GPHN: variants seen among roughly 807,000 people sequenced by gnomAD.
GPHN encodes gephyrin.
A neutral mutation model predicts 95.5 loss-of-function variants in GPHN; 17 were observed. The ratio of observed to expected loss-of-function variants is 0.18; its 90% CI spans 0.12 to 0.27. The LOEUF is 0.27. Ranked by LOEUF, GPHN falls within the 10% of genes least tolerant of loss-of-function variation. The probability of loss-of-function intolerance (pLI) is 1.00; values close to 1 mark genes in which losing one functional copy is unlikely to be tolerated. For missense variants in GPHN, 660 were observed against 978.1 expected (o/e 0.67, Z 4.34); for synonymous variants, 320 against 322.5 (o/e 0.99, Z 0.08).
At chr14:66,979,222 C>T (rs772098219) in intron 9 of GPHN, among the ~76,000 whole-genome samples, 1 of 152,156 alleles carries the variant, frequency 6.6e-6, no homozygotes, top group Non-Finnish European at 1.5e-5. Flanking sequence ...GATAGTCATC[C>T]AGTCCTTTTA....
At chr14:67,729,387 G>A in the GPHN span, 1 of 1,597,148 alleles carries the variant, frequency 6.3e-7, no homozygotes, top group Non-Finnish European at 8.5e-7. Context: ...TCAGGTGTGT[G>A]AAGGCAATGC....
At chr14:66,719,690 A>G (rs1053926730) in intron 2 of GPHN, among the ~76,000 whole-genome samples, 3 of 152,170 alleles carry the variant, frequency 2.0e-5, no homozygotes, top group Non-Finnish European at 4.4e-5. Flanking sequence ...TGCTGCACAA[A>G]TTTGTGAAAA....
the GPHN span, among the ~76,000 whole-genome samples, chr14:67,672,718 C>T: frequency 1.3e-5 from 2 of 152,178 alleles, no homozygotes; most frequent in Non-Finnish European, 2.9e-5. Flanking sequence ...GCTGGAATTA[C>T]AGGTGTGAGC....
chr14:67,089,528 G>A (rs1220737587), intron 12 of GPHN, among the ~76,000 whole-genome samples: 4 of 152,016 alleles, frequency 2.6e-5, no homozygotes, highest in Non-Finnish European at 5.9e-5. Context: ...TTAAAACACT[G>A]TACTTCAATT....
intron 1 of GPHN, among the ~76,000 whole-genome samples, chr14:66,520,572 A>G (rs890987931): frequency 6.6e-6 from 1 of 152,030 alleles, no homozygotes; most frequent in Non-Finnish European, 1.5e-5. Context: ...CTGTTTTCTG[A>G]GTATGTTGCA....
intron 2 of GPHN, among the ~76,000 whole-genome samples, chr14:66,687,929 A>G (rs1370675905): frequency 2.0e-5 from 3 of 152,104 alleles, no homozygotes; most frequent in Non-Finnish European, 4.4e-5. Context: ...GGTACAGTTG[A>G]TCCTTGAACA....
At chr14:67,692,789 A>T in the GPHN span, 3 of 865,516 alleles carry the variant, frequency 3.5e-6, no homozygotes, top group South Asian at 3.3e-5. Flanking sequence ...TGTAGAGCAT[A>T]GTACTAGTTT....
the GPHN span, chr14:67,724,398 T>G: frequency 0.094 from 91,264 of 966,212 alleles, 3,613 homozygotes; most frequent in South Asian, 0.26. Flanking sequence ...TAGAGTTTTT[T>G]TTTTTTTTTT....
chr14:67,340,369 G>A, the GPHN span: 12 of 1,292,938 alleles, frequency 9.3e-6, no homozygotes, highest in East Asian at 1.4e-4. Flanking sequence ...AAACCAACAA[G>A]TCATTCAGCA....
chr14:67,606,180 T>TG, the GPHN span, among the ~76,000 whole-genome samples: 1 of 152,012 alleles, frequency 6.6e-6, no homozygotes, highest in South Asian at 2.1e-4. Context: ...AGAATGACAG[T>TG]GGGAAAAAAA....
chr14:67,320,997 T>TTATC, the GPHN span: 1 of 1,407,872 alleles, frequency 7.1e-7, no homozygotes, highest in Non-Finnish European at 1.0e-6. Flanking sequence ...ACTAGCAGAA[T>TTATC]TATCCCCTGT....
chr14:66,846,775 A>C (rs963198872), intron 4 of GPHN, among the ~76,000 whole-genome samples: 1 of 152,162 alleles, frequency 6.6e-6, no homozygotes, highest in Non-Finnish European at 1.5e-5. Flanking sequence ...TTTCATAGTA[A>C]AGAGTAGAAA....
chr14:67,503,866 G>C, the GPHN span, among the ~76,000 whole-genome samples: 7 of 151,302 alleles, frequency 4.6e-5, no homozygotes, highest in African/African-American at 1.7e-4. Context: ...ACCATGCCTG[G>C]TTAATTTTTG....
At chr14:66,749,688 G>A (rs968477015) in intron 2 of GPHN, among the ~76,000 whole-genome samples, 1 of 151,798 alleles carries the variant, frequency 6.6e-6, no homozygotes, top group Non-Finnish European at 1.5e-5. Context: ...TTTCAATAGA[G>A]TTGTTCATTT....
chr14:66,796,102 C>T (rs992953485), intron 3 of GPHN, among the ~76,000 whole-genome samples: 49 of 152,046 alleles, frequency 3.2e-4, no homozygotes, highest in African/African-American at 1.1e-3. Flanking sequence ...TTCTGTGCCT[C>T]GCTTATTTCA....
chr14:67,245,999 A>G, the GPHN span, among the ~76,000 whole-genome samples: 3 of 152,046 alleles, frequency 2.0e-5, no homozygotes, highest in African/African-American at 7.2e-5. Flanking sequence ...CCATTTGTTT[A>G]AAACATGATC....
chr14:66,522,166 C>T (rs1477036871), intron 1 of GPHN, among the ~76,000 whole-genome samples: 13 of 152,118 alleles, frequency 8.5e-5, no homozygotes, highest in Non-Finnish European at 1.8e-4. Flanking sequence ...TCCACTTTTT[C>T]ATACTCTATA....
At chr14:67,634,110 G>A in the GPHN span, among the ~76,000 whole-genome samples, 1 of 152,110 alleles carries the variant, frequency 6.6e-6, no homozygotes, top group Admixed American at 6.6e-5. Flanking sequence ...AAGGAAAAAA[G>A]GAAGCAAAGC....
intron 1 of GPHN, among the ~76,000 whole-genome samples, chr14:66,678,896 T>C (rs2066771927): frequency 6.6e-6 from 1 of 152,104 alleles, no homozygotes; most frequent in Admixed American, 6.6e-5. Context: ...GTTCATGGAG[T>C]CAGCGACAAG....
Sources: allele counts gnomAD v4.1 joint callset (sites outside exome capture counted in the v4.1 genomes callset), GRCh38; gene constraint gnomAD v4.1.1; transcripts MANE v1.5; gene names NCBI Gene and HGNC (gene_info 2026-07-23, HGNC 2026-07-21).